The following BCL9 variants were observed in gnomAD, a reference collection of about 807,000 sequenced individuals.
BCL9 encodes the protein BCL9 transcription coactivator.
A neutral mutation model predicts 88.5 loss-of-function variants in BCL9; 25 were observed. The ratio of observed to expected loss-of-function variants is 0.28; its 90% CI spans 0.21 to 0.39. The LOEUF is 0.39. Ranked by LOEUF, BCL9 falls within the 10% of genes least tolerant of loss-of-function variation. The pLI is 1.00. For synonymous variants in BCL9, 711 were observed against 673.3 expected (o/e 1.06, Z -0.87); for missense variants, 1,817 against 1,877.8 (o/e 0.97, Z 0.60).
intron 4 of BCL9, among the ~76,000 whole-genome samples, chr1:147,612,289 G>T (rs1393512110): frequency 6.6e-6 from 1 of 152,080 alleles, no homozygotes; most frequent in African/African-American, 2.4e-5. Flanking sequence ...CTTTTTCCTC[G>T]GTTTCACAGT....
intron 1 of BCL9, among the ~76,000 whole-genome samples, chr1:147,592,068 G>A (rs587626755): frequency 6.6e-6 from 1 of 152,232 alleles, no homozygotes; most frequent in Non-Finnish European, 1.5e-5. Context: ...ACATGTAAAA[G>A]TCACTATGAG....
chr1:147,618,107 C>T (rs1386194059), intron 7 of BCL9, among the ~76,000 whole-genome samples: 1 of 152,138 alleles, frequency 6.6e-6, no homozygotes, highest in African/African-American at 2.4e-5. Flanking sequence ...GCTAGATAGC[C>T]TCAGATTTCT....
chr1:147,561,647 T>C (rs1247214881), intron 1 of BCL9, among the ~76,000 whole-genome samples: 3 of 152,264 alleles, frequency 2.0e-5, no homozygotes, highest in Non-Finnish European at 4.4e-5. Flanking sequence ...TGTTTTCTGC[T>C]AGGAACTTAA....
chr1:147,552,470 G>C (rs1654942746), intron 1 of BCL9, among the ~76,000 whole-genome samples: 1 of 152,136 alleles, frequency 6.6e-6, no homozygotes. Flanking sequence ...GCCAGGCGTG[G>C]TGGCGCATGC....
At chr1:147,582,124 T>C (rs587631189) in intron 1 of BCL9, among the ~76,000 whole-genome samples, 2 of 152,356 alleles carry the variant, frequency 1.3e-5, no homozygotes, top group South Asian at 2.1e-4. Context: ...CTTTGCAAAA[T>C]TGGGATAAGA....
At chr1:147,611,012 A>G (rs1288948108) in intron 3 of BCL9, among the ~76,000 whole-genome samples, 1 of 152,206 alleles carries the variant, frequency 6.6e-6, no homozygotes, top group Non-Finnish European at 1.5e-5. Flanking sequence ...AACTGATTGT[A>G]TTTGATGTTG....
At chr1:147,573,813 GGTTA>G (rs1655991508) in intron 1 of BCL9, among the ~76,000 whole-genome samples, 1 of 152,040 alleles carries the variant, frequency 6.6e-6, no homozygotes. Flanking sequence ...TCACACAGCT[GGTTA>G]GTTAGAGATA....
intron 1 of BCL9, among the ~76,000 whole-genome samples, chr1:147,581,638 C>T (rs1186728392): frequency 7.2e-5 from 11 of 152,296 alleles, no homozygotes; most frequent in Middle Eastern, 3.4e-3. Flanking sequence ...ACAGGACCTA[C>T]GTCAGCTCTT....
At chr1:147,596,279 G>C (rs1274656471) in intron 1 of BCL9, among the ~76,000 whole-genome samples, 1 of 152,172 alleles carries the variant, frequency 6.6e-6, no homozygotes, top group Non-Finnish European at 1.5e-5. Flanking sequence ...ATAGACTGGT[G>C]AAAGGTAGGA....
chr1:147,623,934 C>G lies in BCL9; in HGVS notation c.3256C>G (p.Leu1086Val), dbSNP rs782432293. 4 of 1,614,226 alleles carry G rather than the reference C, an allele frequency of 2.5e-6. No individual in the cohort carries two copies. The highest frequency in any genetic ancestry group is 3.4e-6 in the Non-Finnish European group (4 of 1,180,048). Residue 1086 changes from leucine (L) to valine (V), a missense_variant, in exon 10 of 10, where the codon CTT becomes GTT. This residue lies in a region of BCL9 where 589 missense variants were observed against 686.2 expected (regional missense o/e 0.86). Coordinates refer to ENST00000234739, the MANE Select transcript of BCL9 (RefSeq NM_004326.4). The stretch of plus-strand genomic sequence containing the variant: ...CAGCCCAATGGGAATGACCCAGCCA[C>G]TTTCTCACTCCAATCAGATGCCCTC... ...TLSPMGMTQP[L>V]SHSNQMPSPN...
At chr1:147,546,210 C>T (rs914777780) in intron 1 of BCL9, among the ~76,000 whole-genome samples, 4 of 151,732 alleles carry the variant, frequency 2.6e-5, no homozygotes, top group South Asian at 2.1e-4. Context: ...TGGTGGCGGG[C>T]GCCTGTAGTC....
intron 1 of BCL9, among the ~76,000 whole-genome samples, chr1:147,545,647 G>A (rs1553194186): frequency 6.6e-6 from 1 of 152,144 alleles, no homozygotes; most frequent in Non-Finnish European, 1.5e-5. Flanking sequence ...ACAACATGCA[G>A]GACATTCCCA....
chr1:147,550,661 A>G (rs1458816517), intron 1 of BCL9, among the ~76,000 whole-genome samples: 3 of 152,232 alleles, frequency 2.0e-5, no homozygotes, highest in African/African-American at 4.8e-5. Flanking sequence ...ATTAAACTCC[A>G]TAGGGAGCTT....
chr1:147,564,982 G>T (rs1183847749), intron 1 of BCL9, among the ~76,000 whole-genome samples: 1 of 151,956 alleles, frequency 6.6e-6, no homozygotes, highest in Non-Finnish European at 1.5e-5. Context: ...GTACTCAATA[G>T]CTACATGTAA....
intron 1 of BCL9, among the ~76,000 whole-genome samples, chr1:147,602,840 A>T (rs1221452684): frequency 6.6e-6 from 1 of 152,210 alleles, no homozygotes; most frequent in Non-Finnish European, 1.5e-5. Flanking sequence ...TTTCACAAGC[A>T]TTATAATAAA....
At chr1:147,582,524 G>C (rs782760328) in intron 1 of BCL9, among the ~76,000 whole-genome samples, 1 of 152,130 alleles carries the variant, frequency 6.6e-6, no homozygotes, top group Non-Finnish European at 1.5e-5. Flanking sequence ...TGTTCTTCTA[G>C]TACAGGGTGG....
rs1553204277 is a variant in BCL9 at position 147,618,857 on chromosome 1, C to G, written c.702C>G (p.Leu234=). Residue 234 remains leucine, a synonymous_variant, in exon 8 of 10, where the codon CTC becomes CTG. Transcript: ENST00000234739. ...ISALRNDPKP[L]PQQPPAPANQ... Reference sequence around the variant, plus strand: ...CCCTTCGGAATGATCCGAAACCTCTCCCACAACAGCCCCCAGCTCCGGCCA... The same window carrying G: ...CCCTTCGGAATGATCCGAAACCTCTGCCACAACAGCCCCCAGCTCCGGCCA... 14 of 1,591,958 alleles carry G rather than the reference C, an allele frequency of 8.8e-6. No homozygotes were observed. The highest frequency in any genetic ancestry group is 1.1e-5 in the Non-Finnish European group (13 of 1,170,350).
chr1:147,603,924 T>C (rs1168289236), intron 1 of BCL9, among the ~76,000 whole-genome samples: 1 of 152,204 alleles, frequency 6.6e-6, no homozygotes, highest in Non-Finnish European at 1.5e-5. Context: ...CATTGAATTA[T>C]AAATCAAATG....
At chr1:147,617,248 C>T (rs1658331538) in intron 7 of BCL9, among the ~76,000 whole-genome samples, 1 of 152,126 alleles carries the variant, frequency 6.6e-6, no homozygotes, top group South Asian at 2.1e-4. Flanking sequence ...ATACCTACAC[C>T]TTAATACCTA....
Sources: allele counts gnomAD v4.1 joint callset (sites outside exome capture counted in the v4.1 genomes callset), GRCh38; gene constraint gnomAD v4.1.1; regional missense constraint gnomAD v4.1.1; transcripts MANE v1.5; gene names NCBI Gene and HGNC (gene_info 2026-07-23, HGNC 2026-07-21).